Variants in FBLN7 observed in about 807,000 individuals in gnomAD.
FBLN7 encodes the protein fibulin-7.
Under a neutral mutation model 44.0 loss-of-function variants are expected in FBLN7, and 31 were observed. The ratio of observed to expected loss-of-function variants is 0.70; its 90% confidence interval spans 0.53 to 0.95. The LOEUF is 0.95. FBLN7 is among the 40% of genes least tolerant of loss of function. The pLI is 0.00. For synonymous variants in FBLN7, 262 were observed against 253.4 expected (o/e 1.03, Z -0.32); for missense variants, 573 against 618.5 (o/e 0.93, Z 0.78).
the FBLN7 span, chr2:112,233,375 G>A: frequency 5.1e-6 from 8 of 1,555,350 alleles, no homozygotes; most frequent in Admixed American, 2.0e-5. Context: ...GGTCTCCCTA[G>A]GCCAAAAGAA....
At chr2:112,159,143 T>G (rs1018828830) in intron 1 of FBLN7, among the ~76,000 whole-genome samples, 1 of 152,076 alleles carries the variant, frequency 6.6e-6, no homozygotes. Flanking sequence ...AAAAAAATCA[T>G]CAGAACTGAA....
intron 3 of FBLN7, among the ~76,000 whole-genome samples, chr2:112,169,021 C>T (rs555201592): frequency 2.2e-4 from 33 of 152,294 alleles, no homozygotes; most frequent in African/African-American, 7.7e-4. Flanking sequence ...CCTGTAATCC[C>T]GGCACTTTGT....
At chr2:112,237,498 G>A in the FBLN7 span, among the ~76,000 whole-genome samples, 1 of 152,076 alleles carries the variant, frequency 6.6e-6, no homozygotes, top group Non-Finnish European at 1.5e-5. Context: ...GTCTACTGGA[G>A]CCTCGAACTC....
In FBLN7 at chr2:112,161,869, C is replaced by G. The variant is rs1681890541; in HGVS notation, c.235+2034C>G. ...TGTGTGGGGGACCCCGTGCTGGGTA[C>G]TTTATGCGTGCAGAGGCTGATCCTG... is the stretch of plus-strand genomic sequence containing the variant. On this transcript the variant is annotated intron_variant, in intron 2 of 7. Coordinates refer to ENST00000331203, the MANE Select transcript of FBLN7 (RefSeq NM_153214.3). Among the ~76,000 whole-genome samples the G allele has an allele frequency of 2.6e-5, 4 of 152,206 alleles. No individual in the cohort carries two copies. The South Asian group carries it at 6.2e-4, about 24-fold the overall frequency.
the FBLN7 span, among the ~76,000 whole-genome samples, chr2:112,198,678 T>A: frequency 6.6e-6 from 1 of 151,348 alleles, no homozygotes; most frequent in Non-Finnish European, 1.5e-5. Flanking sequence ...AAACCCAGAG[T>A]GTGTCTGCTA....
the FBLN7 span, among the ~76,000 whole-genome samples, chr2:112,219,569 A>G: frequency 6.6e-6 from 1 of 152,298 alleles, no homozygotes; most frequent in East Asian, 1.9e-4. Context: ...CTTCCATGTA[A>G]TTGTATAGTT....
the FBLN7 span, chr2:112,238,242 C>A: frequency 7.0e-7 from 1 of 1,431,658 alleles, no homozygotes; most frequent in Non-Finnish European, 9.5e-7. Flanking sequence ...AAGAAAAATC[C>A]TCTGTCCGTA....
At chr2:112,139,178 G>C (rs1431948259) in intron 1 of FBLN7, among the ~76,000 whole-genome samples, 7 of 49,944 alleles carry the variant, frequency 1.4e-4, no homozygotes, top group African/African-American at 3.9e-4. Flanking sequence ...CCTCTCTCCA[G>C]GCCAGTGTCC....
At chr2:112,179,166 A>T (rs1682866435) in intron 4 of FBLN7, among the ~76,000 whole-genome samples, 1 of 152,342 alleles carries the variant, frequency 6.6e-6, no homozygotes, top group East Asian at 1.9e-4. Context: ...AATGTAGAAA[A>T]ATCACTAGCA....
chr2:112,141,036 A>G (rs1253574303), intron 1 of FBLN7, among the ~76,000 whole-genome samples: 1 of 152,230 alleles, frequency 6.6e-6, no homozygotes, highest in Non-Finnish European at 1.5e-5. Context: ...ACCCACATCC[A>G]GCAGAGTAGC....
the FBLN7 span, among the ~76,000 whole-genome samples, chr2:112,205,623 T>C: frequency 6.6e-6 from 1 of 152,116 alleles, no homozygotes; most frequent in South Asian, 2.1e-4. Flanking sequence ...ATTAAATCAG[T>C]TGCTCATATT....
chr2:112,229,814 T>TA, the FBLN7 span, among the ~76,000 whole-genome samples: 2 of 150,036 alleles, frequency 1.3e-5, no homozygotes, highest in East Asian at 1.9e-4. Flanking sequence ...CTCCAAAACT[T>TA]AAAAAAAAAG....
At chr2:112,159,859 TG>T (rs1381188773) in intron 2 of FBLN7, 24 bp downstream of exon 2, 1 of 1,504,280 alleles carries the variant, frequency 6.6e-7, no homozygotes, top group East Asian at 2.6e-5. Context: ...TCGGCACCGC[TG>T]GGGCGGCAGC....
the FBLN7 span, chr2:112,231,834 T>C: frequency 6.5e-7 from 1 of 1,541,508 alleles, no homozygotes; most frequent in African/African-American, 1.4e-5. Flanking sequence ...AAAATTATAC[T>C]TACTTTAGCC....
At chr2:112,235,287 T>C in the FBLN7 span, among the ~76,000 whole-genome samples, 9 of 152,370 alleles carry the variant, frequency 5.9e-5, no homozygotes, top group South Asian at 1.9e-3. Context: ...AGTTTAAATC[T>C]TGTTTTATTT....
the FBLN7 span, among the ~76,000 whole-genome samples, chr2:112,243,294 G>C: frequency 6.6e-6 from 1 of 152,168 alleles, no homozygotes; most frequent in African/African-American, 2.4e-5. Context: ...CCTAACCTTT[G>C]ATTGGCAGTG....
In FBLN7 at chr2:112,147,703, C is replaced by T. The variant is rs183974558; in HGVS notation, c.75+8973C>T. Among the ~76,000 whole-genome samples, 156 of 152,308 alleles carry T rather than the reference C, an allele frequency of 1.0e-3. 1 individual carries two copies. Among genetic ancestry groups the T allele is most frequent in the African/African-American group, 3.6e-3 (148 of 41,562 alleles). On this transcript the variant is annotated intron_variant, in intron 1 of 7. Coordinates refer to ENST00000331203, the MANE Select transcript of FBLN7 (RefSeq NM_153214.3). ...TATCCTGAGCTGGAGTCTACATTTT[C>T]GAGATCACATGTCTTCCTCTTTCTT...
chr2:112,188,265 G>C (rs1220511038), downstream of FBLN7: 1 of 152,224 alleles, frequency 6.6e-6, no homozygotes, highest in East Asian at 1.9e-4. Context: ...CCTTCTAGGA[G>C]GGGGTGGCTG....
chr2:112,146,110 C>G (rs1680886096), intron 1 of FBLN7, among the ~76,000 whole-genome samples: 1 of 152,214 alleles, frequency 6.6e-6, no homozygotes, highest in South Asian at 2.1e-4. Flanking sequence ...CACCTGAGGT[C>G]AGGAGTCCGA....
Sources: allele counts gnomAD v4.1 joint callset (sites outside exome capture counted in the v4.1 genomes callset), GRCh38; gene constraint gnomAD v4.1.1; transcripts MANE v1.5; gene names NCBI Gene and HGNC (gene_info 2026-07-23, HGNC 2026-07-21).